Variants in AP1S3 observed in about 807,000 individuals in gnomAD.
AP1S3 encodes the protein adaptor related protein complex 1 subunit sigma 3.
In AP1S3, 10 loss-of-function variants were observed where a neutral mutation model predicts 20.9. The observed-to-expected ratio is 0.48, with a 90% CI of 0.29 to 0.81. AP1S3 has a LOEUF of 0.81. Ranked by LOEUF, AP1S3 falls within the 30% of genes least tolerant of loss-of-function variation. The pLI is 0.08. For synonymous variants in AP1S3, 41 were observed against 61.5 expected (o/e 0.67, Z 1.56); for missense variants, 154 against 183.8 (o/e 0.84, Z 0.94).
chr2:223,825,335 G>C (rs1692104785), intron 1 of AP1S3, among the ~76,000 whole-genome samples: 1 of 148,760 alleles, frequency 6.7e-6, no homozygotes, highest in Non-Finnish European at 1.5e-5. Context: ...AAAGAAAACA[G>C]TTCCTCATGG....
At chr2:223,810,990 T>C (rs960982270) in intron 1 of AP1S3, among the ~76,000 whole-genome samples, 1 of 152,174 alleles carries the variant, frequency 6.6e-6, no homozygotes, top group Non-Finnish European at 1.5e-5. Context: ...ATACATAACA[T>C]GAAATTTCCC....
At chr2:223,770,531 C>CA (rs3220046) in intron 3 of AP1S3, among the ~76,000 whole-genome samples, 35,677 of 146,426 alleles carry the variant, frequency 0.24, 6,960 homozygotes, top group East Asian at 0.56. Flanking sequence ...CACACACACA[C>CA]CCCTTGATAT....
chr2:223,756,113 C>G lies in AP1S3; in HGVS notation c.*2602G>C, dbSNP rs192841088. ...CAGCACTTTGGAAGGCCAAGGCGGG[C>G]GGATCACCTGAGGTCGGCGTTCAAG... On this transcript the variant is annotated 3_prime_UTR_variant, in exon 5 of 5. Coordinates refer to ENST00000396654, the MANE Select transcript of AP1S3 (RefSeq NM_001039569.2). The G allele has an allele frequency of 1.4e-4, 129 of 904,932 alleles. No individual in the cohort carries two copies. The African/African-American group carries it at 2.2e-3, about 15-fold the overall frequency. 56.1% of individuals were successfully genotyped at this position (904,932 alleles called of 1,614,324 possible).
chr2:223,771,098 G>A (rs569751890), intron 3 of AP1S3, among the ~76,000 whole-genome samples: 1 of 152,144 alleles, frequency 6.6e-6, no homozygotes, highest in Admixed American at 6.5e-5. Context: ...ACTTTGGGGG[G>A]GCTGAGGCGG....
chr2:223,831,009 G>A (rs188911279), intron 1 of AP1S3, among the ~76,000 whole-genome samples: 36 of 152,212 alleles, frequency 2.4e-4, no homozygotes, highest in East Asian at 5.8e-4. Flanking sequence ...TGCTAGCAGC[G>A]ATACAAGAAA....
intron 3 of AP1S3, among the ~76,000 whole-genome samples, chr2:223,767,075 T>A (rs140905668): frequency 3.4e-4 from 51 of 152,052 alleles, no homozygotes; most frequent in African/African-American, 1.1e-3. Context: ...GCAAAATACC[T>A]AATGTAGATG....
intron 1 of AP1S3, among the ~76,000 whole-genome samples, chr2:223,828,297 T>C (rs1214548437): frequency 9.2e-5 from 13 of 141,954 alleles, no homozygotes; most frequent in Admixed American, 2.1e-4. Flanking sequence ...CTCTCTCTCT[T>C]TTTTTTTTTT....
chr2:223,767,938 T>C (rs1384966288), intron 3 of AP1S3, among the ~76,000 whole-genome samples: 1 of 152,192 alleles, frequency 6.6e-6, no homozygotes, highest in East Asian at 1.9e-4. Context: ...CTACCCTTCC[T>C]GTCTTCTCTG....
chr2:223,823,334 T>C (rs1250207496), intron 1 of AP1S3, among the ~76,000 whole-genome samples: 1 of 152,206 alleles, frequency 6.6e-6, no homozygotes, highest in Non-Finnish European at 1.5e-5. Context: ...AGCTATAGAA[T>C]CAACCTAAAT....
chr2:223,774,679 G>A (rs1205413588), intron 3 of AP1S3, among the ~76,000 whole-genome samples: 9 of 152,178 alleles, frequency 5.9e-5, no homozygotes, highest in Admixed American at 5.2e-4. Context: ...ATTAGTGAGA[G>A]TGGAAAGAAG....
chr2:223,770,532 C>CA (rs60585278), intron 3 of AP1S3, among the ~76,000 whole-genome samples: 2,763 of 89,854 alleles, frequency 0.031, 77 homozygotes, highest in East Asian at 0.11. Context: ...ACACACACAC[C>CA]CCTTGATATA....
intron 1 of AP1S3, among the ~76,000 whole-genome samples, chr2:223,780,245 G>A (rs867408473): frequency 7.7e-6 from 1 of 129,920 alleles, no homozygotes. Context: ...CTGGTAGCTG[G>A]AACCACAGGT....
chr2:223,796,610 G>C (rs982889757), intron 1 of AP1S3, among the ~76,000 whole-genome samples: 2 of 152,038 alleles, frequency 1.3e-5, no homozygotes, highest in African/African-American at 4.8e-5. Context: ...TCCCTGTAAG[G>C]TGTTTACTTC....
At chr2:223,782,543 G>T (rs1222976935) in intron 1 of AP1S3, among the ~76,000 whole-genome samples, 1 of 152,074 alleles carries the variant, frequency 6.6e-6, no homozygotes, top group Non-Finnish European at 1.5e-5. Flanking sequence ...TTTCTAGTTG[G>T]TCTGCAGGTC....
In AP1S3 at chr2:223,774,874, G is replaced by C. The variant is rs867889419; in HGVS notation, c.291+1027C>G. Among the ~76,000 whole-genome samples the C allele has an allele frequency of 3.7e-4, 57 of 152,294 alleles. No individual in the cohort carries two copies. In the Middle Eastern group the frequency reaches 0.014, roughly 36 times the overall value. ...GGCCATGAGAAGCCCAGTGAAGACTGTCACCAACAAGGGGAAGAAGAGTCA... is the reference window on the plus strand; with the variant it reads ...GGCCATGAGAAGCCCAGTGAAGACTCTCACCAACAAGGGGAAGAAGAGTCA... On this transcript the variant is annotated intron_variant, in intron 3 of 4. Coordinates refer to ENST00000396654, the MANE Select transcript of AP1S3 (RefSeq NM_001039569.2).
intron 1 of AP1S3, among the ~76,000 whole-genome samples, chr2:223,786,723 G>A (rs1691086900): frequency 6.6e-6 from 1 of 152,128 alleles, no homozygotes; most frequent in South Asian, 2.1e-4. Context: ...GCAACATGGT[G>A]AAACCCCATA....
At chr2:223,767,594 G>A (rs10194046) in intron 3 of AP1S3, among the ~76,000 whole-genome samples, 59,636 of 151,310 alleles carry the variant, frequency 0.39, 12,900 homozygotes, top group South Asian at 0.58. Flanking sequence ...CTCTACAGCT[G>A]TGTCTAGCAT....
chr2:223,763,664 G>A (rs976324436), intron 4 of AP1S3, among the ~76,000 whole-genome samples: 3 of 152,146 alleles, frequency 2.0e-5, no homozygotes, highest in African/African-American at 7.2e-5. Context: ...CACTTTTTGA[G>A]GTCAGACACC....
intron 1 of AP1S3, among the ~76,000 whole-genome samples, chr2:223,785,073 G>A (rs765666856): frequency 5.3e-5 from 8 of 152,164 alleles, no homozygotes; most frequent in Admixed American, 6.5e-5. Context: ...GGCCAGGTGC[G>A]CTTAGACCTG....
Sources: allele counts gnomAD v4.1 joint callset (sites outside exome capture counted in the v4.1 genomes callset), GRCh38; gene constraint gnomAD v4.1.1; transcripts MANE v1.5; gene names NCBI Gene and HGNC (gene_info 2026-07-23, HGNC 2026-07-21).